Variants in LIMA1 observed in about 807,000 individuals in gnomAD.
The protein encoded by LIMA1 is LIM domain and actin-binding protein 1.
In LIMA1, 52 loss-of-function variants were observed where a neutral mutation model predicts 62.6. The ratio of observed to expected loss-of-function variants is 0.83; its 90% CI spans 0.67 to 1.05. LIMA1 has a LOEUF of 1.05. LIMA1 is among the 50% of genes least tolerant of loss of function. The pLI, the probability that LIMA1 is intolerant of heterozygous loss-of-function variation, is 0.00. For synonymous variants in LIMA1, 302 were observed against 317.8 expected, an observed-to-expected ratio of 0.95 and a Z score of 0.53; for missense variants, 780 against 902.2, an observed-to-expected ratio of 0.86 and a Z score of 1.74.
intron 1 of LIMA1, among the ~76,000 whole-genome samples, chr12:50,272,076 C>T (rs1486951664): frequency 1.3e-5 from 2 of 152,082 alleles, no homozygotes; most frequent in African/African-American, 2.4e-5. Flanking sequence ...AAGTTTTCTC[C>T]AAATACAGGG....
intron 1 of LIMA1, among the ~76,000 whole-genome samples, chr12:50,267,049 C>T (rs1942147275): frequency 6.6e-6 from 1 of 151,800 alleles, no homozygotes; most frequent in African/African-American, 2.4e-5. Flanking sequence ...GGCGTGCCAC[C>T]ATGCCCAGCT....
Position 50,232,656 on chromosome 12 carries a change from A to G in LIMA1, c.120-946T>C, listed in dbSNP as rs1408454031. Reference sequence around the variant, plus strand: ...AATGCTGGGATTACAGGCATGAGCCACCAGGCCCAGCCCCCCAGCCACTTT... The same window carrying G: ...AATGCTGGGATTACAGGCATGAGCCGCCAGGCCCAGCCCCCCAGCCACTTT... On this transcript the variant is annotated intron_variant, in intron 2 of 10. Transcript: ENST00000341247. Among the ~76,000 whole-genome samples, 9 of 151,466 alleles carry G rather than the reference A, an allele frequency of 5.9e-5. No individual in the cohort carries two copies. The East Asian group carries it at 1.8e-3, about 30-fold the overall frequency.
chr12:50,226,945 T>TC (rs1437763409), intron 3 of LIMA1, among the ~76,000 whole-genome samples: 26 of 150,420 alleles, frequency 1.7e-4, no homozygotes, highest in African/African-American at 6.4e-4. Flanking sequence ...TCCTCCTCTG[T>TC]CCCTCCCTTA....
intron 1 of LIMA1, among the ~76,000 whole-genome samples, chr12:50,282,122 T>C (rs1395487683): frequency 6.6e-6 from 1 of 152,222 alleles, no homozygotes; most frequent in Non-Finnish European, 1.5e-5. Flanking sequence ...TTTTGCCTTC[T>C]TTCACGCCAA....
chr12:50,211,454 G>A (rs1398864634), intron 4 of LIMA1, among the ~76,000 whole-genome samples: 2 of 150,038 alleles, frequency 1.3e-5, no homozygotes, highest in East Asian at 3.9e-4. Context: ...ATCAGCCTGG[G>A]CAACATGGTG....
At chr12:50,260,957 TTTATTTAC>T (rs1225787020) in intron 1 of LIMA1, among the ~76,000 whole-genome samples, 4 of 149,308 alleles carry the variant, frequency 2.7e-5, no homozygotes, top group African/African-American at 4.9e-5. Flanking sequence ...AAGGAAGTCA[TTTATTTAC>T]TTATTTACTT....
At chr12:50,193,993 A>ATT (rs1481927698) in intron 8 of LIMA1, among the ~76,000 whole-genome samples, 4 of 43,254 alleles carry the variant, frequency 9.2e-5, no homozygotes, top group African/African-American at 2.8e-4. Context: ...ATATATATAT[A>ATT]TATATTTTTT....
intron 1 of LIMA1, among the ~76,000 whole-genome samples, chr12:50,254,027 C>A (rs1244262558): frequency 7.6e-3 from 704 of 93,176 alleles, no homozygotes; most frequent in Non-Finnish European, 8.3e-3. Flanking sequence ...GACTCTGTCT[C>A]AAAAAAAAAA....
intron 7 of LIMA1, among the ~76,000 whole-genome samples, chr12:50,196,846 C>T (rs79934390): frequency 0.02 from 2,985 of 152,172 alleles, 84 homozygotes; most frequent in African/African-American, 0.066. Context: ...TAAAATAAAC[C>T]GGTACAATCA....
chr12:50,279,199 T>C (rs1403756399), intron 1 of LIMA1, among the ~76,000 whole-genome samples: 1 of 151,238 alleles, frequency 6.6e-6, no homozygotes, highest in East Asian at 1.9e-4. Context: ...AGAGATGGGG[T>C]TTCACTATGT....
chr12:50,186,087 T>A (rs146613189), intron 9 of LIMA1: 3 of 152,536 alleles, frequency 2.0e-5, no homozygotes, highest in African/African-American at 7.2e-5. Flanking sequence ...ATTGCCCCCA[T>A]GTCTATTCAG....
intron 10 of LIMA1, among the ~76,000 whole-genome samples, chr12:50,179,628 G>A (rs1388507683): frequency 1.3e-5 from 2 of 149,496 alleles, no homozygotes; most frequent in Non-Finnish European, 3.0e-5. Flanking sequence ...TAGTAGAGAC[G>A]GGGTTTCACC....
At chr12:50,255,260 T>C (rs930012749) in intron 1 of LIMA1, among the ~76,000 whole-genome samples, 64 of 151,198 alleles carry the variant, frequency 4.2e-4, no homozygotes, top group African/African-American at 1.4e-3. Context: ...AACTCACTTA[T>C]GAAGAAAAAA....
intron 3 of LIMA1, among the ~76,000 whole-genome samples, chr12:50,230,562 CTT>C (rs1209125667): frequency 1.3e-5 from 2 of 151,918 alleles, no homozygotes; most frequent in African/African-American, 4.8e-5. Flanking sequence ...GTAGTTTTTT[CTT>C]TTTTTCTTTT....
Position 50,195,810 on chromosome 12 carries a change from A to G in LIMA1, c.1030+20T>C, listed in dbSNP as rs200568910. ...AGAAAACAAGAACCTCATCCTCCAGATCTAAGAAAGAATGCTTACGGGAGT... is the reference window on the plus strand; with the variant it reads ...AGAAAACAAGAACCTCATCCTCCAGGTCTAAGAAAGAATGCTTACGGGAGT... On this transcript the variant is annotated intron_variant, in intron 8 of 10. Transcript: ENST00000341247. The G allele has an allele frequency of 1.4e-3, 2,184 of 1,595,702 alleles. 13 individuals carry two copies. The highest frequency in any genetic ancestry group is 9.7e-4 in the Non-Finnish European group (1,134 of 1,174,508).
chr12:50,281,856 A>G (rs1256681276), intron 1 of LIMA1, among the ~76,000 whole-genome samples: 2 of 152,214 alleles, frequency 1.3e-5, no homozygotes, highest in Non-Finnish European at 2.9e-5. Context: ...ATGCTCCTAC[A>G]GTACCCTGGG....
chr12:50,221,745 C>G (rs1038632494), intron 4 of LIMA1, among the ~76,000 whole-genome samples: 2 of 152,160 alleles, frequency 1.3e-5, no homozygotes, highest in African/African-American at 4.8e-5. Flanking sequence ...GGCAAGTGTA[C>G]AAAAACACAT....
chr12:50,273,381 T>C (rs1942238937), intron 1 of LIMA1, among the ~76,000 whole-genome samples: 1 of 152,198 alleles, frequency 6.6e-6, no homozygotes, highest in African/African-American at 2.4e-5. Flanking sequence ...GGTCTTTCAG[T>C]TGGCAGGGGA....
intron 9 of LIMA1, among the ~76,000 whole-genome samples, chr12:50,184,036 G>A (rs1940572060): frequency 6.6e-6 from 1 of 152,096 alleles, no homozygotes; most frequent in Admixed American, 6.6e-5. Context: ...TAGTGCCCAA[G>A]GGATTTAAGA....
Sources: gnomAD v4.1 joint callset for allele counts (sites outside exome capture counted in the v4.1 genomes callset) on GRCh38, gnomAD v4.1.1 for gene constraint, MANE v1.5 for transcripts, NCBI Gene and HGNC (gene_info 2026-07-23, HGNC 2026-07-21) for gene names.